The following TCEA1 variants were observed in gnomAD, a reference collection of about 807,000 sequenced individuals.
TCEA1 encodes the protein transcription elongation factor A1, also known as transcription elongation factor A protein 1.
A neutral mutation model predicts 43.8 loss-of-function variants in TCEA1; 21 were observed. The observed-to-expected ratio is 0.48, with a 90% CI of 0.34 to 0.69. The LOEUF (loss-of-function observed/expected upper bound fraction) is 0.69, where lower values mean the gene tolerates loss of function less well. Ranked by LOEUF, TCEA1 falls within the 30% of genes least tolerant of loss-of-function variation. The pLI is 0.01. For synonymous variants in TCEA1, 104 were observed against 117.5 expected, an observed-to-expected ratio of 0.88 and a Z score of 0.75; for missense variants, 250 against 365.1, an observed-to-expected ratio of 0.68 and a Z score of 2.57.
intron 2 of TCEA1, among the ~76,000 whole-genome samples, chr8:54,006,977 ATT>A (rs1804487528): frequency 6.6e-6 from 1 of 152,068 alleles, no homozygotes; most frequent in Admixed American, 6.5e-5. Flanking sequence ...AGCTGGGATT[ATT>A]ACAGGCACAT....
chr8:53,973,299 C>T (rs1487012001), intron 8 of TCEA1: 3 of 515,482 alleles, frequency 5.8e-6, no homozygotes, highest in African/African-American at 2.0e-5. Flanking sequence ...AAAGAAAGTG[C>T]AAAGAGATGG....
In TCEA1 at chr8:54,008,852, TA is replaced by T. The variant is rs200711334; in HGVS notation, c.126+1577del. ...ATTATTTTATTTTTATTTATTTATTTATTTTTTTTTTTTTTGAGACAGAGTC... is the reference window on the plus strand; with the variant it reads ...ATTATTTTATTTTTATTTATTTATTTTTTTTTTTTTTTTTGAGACAGAGTC... On this transcript the variant is annotated intron_variant, in intron 2 of 9. Coordinates refer to ENST00000521604, the MANE Select transcript of TCEA1 (RefSeq NM_006756.4). 3.5e-3 allele frequency among the ~76,000 whole-genome samples: 523 copies of T among 149,396 alleles called. 2 individuals carry two copies. Among genetic ancestry groups the T allele is most frequent in the African/African-American group, 0.011 (459 of 41,004 alleles).
intron 2 of TCEA1, among the ~76,000 whole-genome samples, chr8:54,005,710 T>C (rs1804416807): frequency 6.6e-6 from 1 of 152,202 alleles, no homozygotes; most frequent in South Asian, 2.1e-4. Context: ...TTTATATTGC[T>C]ATTATCTTAG....
chr8:53,969,657 T>C (rs1004308556), intron 9 of TCEA1, among the ~76,000 whole-genome samples: 3 of 152,206 alleles, frequency 2.0e-5, no homozygotes, highest in Non-Finnish European at 4.4e-5. Flanking sequence ...AAGAACAATA[T>C]AGTTCAGTAA....
At position 53,987,144 on chromosome 8, in the gene TCEA1, C is replaced by T. The variant is rs1471816985; in HGVS notation, c.467-119G>A. On this transcript the variant is annotated intron_variant, in intron 5 of 9. Coordinates refer to ENST00000521604, the MANE Select transcript of TCEA1 (RefSeq NM_006756.4). ...CCCCATTTGCCTGACATAAAGAAAC[C>T]GTTCAGTTTAGTTCGTTAGAATCTG... The T allele has an allele frequency of 2.0e-5, 17 of 847,664 alleles. No homozygotes were observed. The East Asian group carries it at 4.3e-4, about 21-fold the overall frequency. 52.5% of individuals were successfully genotyped at this position (847,664 alleles called of 1,614,324 possible).
chr8:54,021,016 C>A (rs1299093631), intron 1 of TCEA1, among the ~76,000 whole-genome samples: 1 of 151,816 alleles, frequency 6.6e-6, no homozygotes, highest in Non-Finnish European at 1.5e-5. Flanking sequence ...GGTGAAACCC[C>A]GTTTCTACTA....
intron 1 of TCEA1, among the ~76,000 whole-genome samples, chr8:54,011,506 G>A (rs1469473906): frequency 6.6e-6 from 1 of 152,220 alleles, no homozygotes; most frequent in Non-Finnish European, 1.5e-5. Context: ...TCTGATGCTA[G>A]GTTTAGCATT....
In TCEA1 at chr8:54,010,421, A is replaced by T; in HGVS notation, c.126+9T>A. ...TATTAAAAAAACTTTGATGCATAAA[A>T]GCACATACCTGCAGTAATTCCAGGG... On this transcript the variant is annotated intron_variant, in intron 2 of 9. Coordinates refer to ENST00000521604, the MANE Select transcript of TCEA1 (RefSeq NM_006756.4). 1 of 1,595,946 alleles carries T rather than the reference A, an allele frequency of 6.3e-7. No homozygotes were observed. Among genetic ancestry groups the T allele is most frequent in the Non-Finnish European group, 8.5e-7 (1 of 1,173,112 alleles).
chr8:53,988,333 G>A (rs1020798646), intron 4 of TCEA1, 74 bp from the exon 5 acceptor site: 13 of 1,511,810 alleles, frequency 8.6e-6, no homozygotes, highest in African/African-American at 2.7e-5. Context: ...CTATCATGCT[G>A]TAAAAACAAA....
intron 6 of TCEA1, 131 bp from the exon 7 acceptor site, chr8:53,984,648 C>G: frequency 4.6e-6 from 3 of 652,266 alleles, no homozygotes; most frequent in Non-Finnish European, 7.1e-6. Flanking sequence ...CTTTGGGAGG[C>G]TGAGGCTGGT....
chr8:53,973,340 T>C (rs1318484240), intron 8 of TCEA1: 2 of 525,444 alleles, frequency 3.8e-6, no homozygotes, highest in Admixed American at 5.4e-5. Flanking sequence ...AAGGATAAAC[T>C]GACCCCTTGG....
chr8:53,980,059 C>T (rs550779312), intron 7 of TCEA1, among the ~76,000 whole-genome samples: 4 of 152,300 alleles, frequency 2.6e-5, no homozygotes, highest in East Asian at 1.9e-4. Flanking sequence ...CTTTCTTAAC[C>T]GCAATAGCGC....
At chr8:54,019,567 CAAA>C (rs1364478794) in intron 1 of TCEA1, among the ~76,000 whole-genome samples, 8 of 68,040 alleles carry the variant, frequency 1.2e-4, no homozygotes, top group Admixed American at 1.7e-4. Flanking sequence ...GACACTGTCT[CAAA>C]AAAAAAAAAA....
rs1803034124 is a variant in TCEA1, at chr8:53,967,852, T to C, written c.*252A>G. On this transcript the variant is annotated 3_prime_UTR_variant, in exon 10 of 10. Transcript: ENST00000521604. The stretch of plus-strand genomic sequence containing the variant: ...AGAAGAAATATTGCCAAGAGTTTAA[T>C]TAATATCAACTTACTTATAAAAACA... 2.6e-6 allele frequency: 1 copy of C among 390,974 alleles called. No individual in the cohort carries two copies. Among genetic ancestry groups the C allele is most frequent in the Non-Finnish European group, 4.7e-6 (1 of 213,178 alleles). The allele number at this position is 390,974 out of a possible 1,614,324, so 24.2% of individuals were successfully genotyped here.
chr8:54,016,272 C>T (rs181888193), intron 1 of TCEA1, among the ~76,000 whole-genome samples: 473 of 152,016 alleles, frequency 3.1e-3, no homozygotes, highest in Middle Eastern at 0.031. Context: ...GTCAGGAGAT[C>T]GAGACCATCC....
chr8:53,983,965 T>C (rs942105850), intron 7 of TCEA1, among the ~76,000 whole-genome samples: 1 of 151,944 alleles, frequency 6.6e-6, no homozygotes, highest in Non-Finnish European at 1.5e-5. Flanking sequence ...CTGGGTGTGG[T>C]GGTGCACGCC....
intron 4 of TCEA1, among the ~76,000 whole-genome samples, chr8:53,992,481 G>A (rs1319737907): frequency 6.6e-6 from 1 of 151,730 alleles, no homozygotes; most frequent in Admixed American, 6.6e-5. Flanking sequence ...GGTGTGGTGG[G>A]CGCCTGTAAT....
At chr8:53,998,761 C>G (rs1261275271) in intron 3 of TCEA1, among the ~76,000 whole-genome samples, 1 of 152,056 alleles carries the variant, frequency 6.6e-6, no homozygotes, top group South Asian at 2.1e-4. Flanking sequence ...GATCACAGAC[C>G]AAAAACAAAG....
intron 3 of TCEA1, among the ~76,000 whole-genome samples, chr8:53,994,146 A>C (rs1803971134): frequency 6.6e-6 from 1 of 152,172 alleles, no homozygotes; most frequent in Non-Finnish European, 1.5e-5. Context: ...TGAGTTTGAG[A>C]CCAGCCTGGG....
Sources: gnomAD v4.1 joint callset for allele counts (sites outside exome capture counted in the v4.1 genomes callset) on GRCh38, gnomAD v4.1.1 for gene constraint, MANE v1.5 for transcripts, NCBI Gene and HGNC (gene_info 2026-07-23, HGNC 2026-07-21) for gene names.